Variants in ASAP2 observed in about 807,000 individuals in gnomAD.
ASAP2 encodes the protein arf-GAP with SH3 domain, ANK repeat and PH domain-containing protein 2.
ASAP2 carries 45 observed loss-of-function variants against 131.4 expected under a neutral mutation model. The observed-to-expected ratio is 0.34, with a 90% CI of 0.27 to 0.44. ASAP2 has a LOEUF of 0.44. Ranked by LOEUF, ASAP2 falls within the 20% of genes least tolerant of loss-of-function variation. The probability of loss-of-function intolerance (pLI) is 1.00; values close to 1 mark genes in which losing one functional copy is unlikely to be tolerated. For synonymous variants in ASAP2, 510 were observed against 503.0 expected, an observed-to-expected ratio of 1.01 and a Z score of -0.19; for missense variants, 1,011 against 1,297.0, an observed-to-expected ratio of 0.78 and a Z score of 3.39.
Position 9,218,653 on chromosome 2 carries a change from G to A in ASAP2, c.126+11423G>A, listed in dbSNP as rs145318451. Reference sequence around the variant, plus strand: ...TTGTCAGCTCTTGGACCTTGGAGCAGGTGACTTCACTGGTCCTGCCTCAGT... The same window carrying A: ...TTGTCAGCTCTTGGACCTTGGAGCAAGTGACTTCACTGGTCCTGCCTCAGT... On this transcript the variant is annotated intron_variant, in intron 1 of 27. Transcript: ENST00000281419. 2.2e-3 allele frequency among the ~76,000 whole-genome samples: 338 copies of A among 152,272 alleles called. 7 individuals carry two copies. The East Asian group carries it at 0.026, about 12-fold the overall frequency.
intron 24 of ASAP2, among the ~76,000 whole-genome samples, chr2:9,394,066 G>A (rs1170757824): frequency 2.6e-5 from 4 of 151,972 alleles, no homozygotes; most frequent in African/African-American, 7.3e-5. Flanking sequence ...AAATTAACAC[G>A]GATGTAGAAA....
Position 9,374,822 on chromosome 2 carries a change from G to C in ASAP2, c.1624G>C (p.Asp542His). 1 of 1,614,126 alleles carries C rather than the reference G, an allele frequency of 6.2e-7. No individual in the cohort carries two copies. Among genetic ancestry groups the C allele is most frequent in the Non-Finnish European group, 8.5e-7 (1 of 1,180,004 alleles). The change falls in exon 17 of 28, where the codon GAT (aspartate) becomes CAT (histidine). Residue 542 changes from aspartate to histidine, a missense_variant. Physicochemically the swap from Asp to His is moderately conservative, Grantham distance 81. This residue lies in a region of ASAP2 where 652 missense variants were observed against 698.9 expected (regional missense o/e 0.93). Transcript: ENST00000281419. ...GAGATACGCAAGGAAGAAGCACGCG[G>C]ATAACGCGGCGAAGCTTCACAGTCT... ...ERRYARKKHA[D>H]NAAKLHSLCE... is the part of the protein sequence containing the mutation.
chr2:9,288,648 A>C (rs773668808), intron 2 of ASAP2, among the ~76,000 whole-genome samples: 1 of 152,198 alleles, frequency 6.6e-6, no homozygotes, highest in Non-Finnish European at 1.5e-5. Context: ...AAGGATGTGA[A>C]TATAATTGGG....
chr2:9,295,325 A>G (rs1227638489), intron 2 of ASAP2, among the ~76,000 whole-genome samples: 3 of 152,238 alleles, frequency 2.0e-5, no homozygotes, highest in African/African-American at 7.2e-5. Context: ...ATTGCCTAAT[A>G]GTGTTATGAG....
In ASAP2 at chr2:9,393,551, C is replaced by T. The variant is rs147371192; in HGVS notation, c.2588C>T (p.Pro863Leu). 38 of 1,591,042 alleles carry T rather than the reference C, an allele frequency of 2.4e-5. No homozygotes were observed. The highest frequency in any genetic ancestry group is 2.9e-5 in the Non-Finnish European group (34 of 1,170,752). ...TPSVMEALSQ[P>L]SKPAPPGISQ... ...AGCGTAATGGAAGCCTTGAGCCAGC[C>T]GAGCAAGCCTGCCCCGCCTGGGATC... is the stretch of plus-strand genomic sequence containing the variant. Residue 863 changes from proline (P) to leucine (L), a missense_variant, in exon 24 of 28, where the codon CCG (proline) becomes CTG (leucine). Pro to Leu is a moderately conservative substitution (Grantham distance 98). Coordinates refer to ENST00000281419, the MANE Select transcript of ASAP2 (RefSeq NM_003887.3).
chr2:9,379,609 G>T (rs928416788), intron 19 of ASAP2, among the ~76,000 whole-genome samples: 3 of 152,140 alleles, frequency 2.0e-5, no homozygotes, highest in Admixed American at 6.5e-5. Flanking sequence ...TCCAGCTGTT[G>T]TCCCCTCAGG....
intron 1 of ASAP2, among the ~76,000 whole-genome samples, chr2:9,216,483 C>T (rs1332836430): frequency 3.1e-4 from 34 of 110,186 alleles, no homozygotes; most frequent in Admixed American, 2.9e-3. Context: ...TTTTTTGAGA[C>T]GGTGTCTCAC....
intron 9 of ASAP2, among the ~76,000 whole-genome samples, chr2:9,336,798 G>C (rs911626114): frequency 6.6e-6 from 1 of 152,208 alleles, no homozygotes; most frequent in Non-Finnish European, 1.5e-5. Context: ...GAGGTAGTGC[G>C]AGGGCAGGAG....
In ASAP2 at chr2:9,232,620, T is replaced by C. The variant is rs1315054338; in HGVS notation, c.126+25390T>C. On this transcript the variant is annotated intron_variant, in intron 1 of 27. Transcript: ENST00000281419. The surrounding 1 kb of genome is among the most constrained non-coding windows in gnomAD (Gnocchi z 4.1). ...CTTCCTGGGGGCAGGGATTTTTGAC[T>C]CTTACTTAGTGATGCATCCTCAGCA... Among the ~76,000 whole-genome samples, 3 of 152,332 alleles carry C rather than the reference T, an allele frequency of 2.0e-5. No homozygotes were observed.
chr2:9,393,452 C>G (rs1210902081), intron 23 of ASAP2, 30 bp from the exon 24 acceptor site: 26 of 1,573,584 alleles, frequency 1.7e-5, no homozygotes, highest in Non-Finnish European at 2.2e-5. Flanking sequence ...GGCGGCTGAC[C>G]CTCTGCACGT....
At chr2:9,329,565 A>T (rs1033954458) in intron 7 of ASAP2, among the ~76,000 whole-genome samples, 4 of 152,108 alleles carry the variant, frequency 2.6e-5, no homozygotes, top group African/African-American at 9.7e-5. Context: ...TAACAAGATT[A>T]CTCTGTGTGT....
chr2:9,287,564 T>C lies in ASAP2; in HGVS notation c.199+8175T>C, dbSNP rs144687776. On this transcript the variant is annotated intron_variant, in intron 2 of 27. Coordinates refer to ENST00000281419, the MANE Select transcript of ASAP2 (RefSeq NM_003887.3). ...AAGGTAGACATAGTATTTGTTCCTCTCTAGAGGAGGCTTTCACAAGAGCAA... is the reference window on the plus strand; with the variant it reads ...AAGGTAGACATAGTATTTGTTCCTCCCTAGAGGAGGCTTTCACAAGAGCAA... 1.4e-4 allele frequency among the ~76,000 whole-genome samples: 21 copies of C among 152,310 alleles called. No individual in the cohort carries two copies. In the East Asian group the frequency reaches 4.1e-3, roughly 29 times the overall value.
chr2:9,304,404 G>A (rs1339775809), intron 3 of ASAP2, among the ~76,000 whole-genome samples: 1 of 151,708 alleles, frequency 6.6e-6, no homozygotes, highest in Non-Finnish European at 1.5e-5. Flanking sequence ...AAATCTACAA[G>A]GTACTGTGTG....
At chr2:9,231,942 C>T (rs1663194750) in intron 1 of ASAP2, among the ~76,000 whole-genome samples, 1 of 152,170 alleles carries the variant, frequency 6.6e-6, no homozygotes, top group Non-Finnish European at 1.5e-5. Flanking sequence ...GCTCCAGTTG[C>T]CCATCTTGTC....
intron 3 of ASAP2, among the ~76,000 whole-genome samples, chr2:9,301,984 C>T (rs550801208): frequency 1.1e-3 from 166 of 151,870 alleles, no homozygotes; most frequent in Non-Finnish European, 1.8e-3. Context: ...CCGCCATGCC[C>T]GGCTAGTTTT....
chr2:9,280,755 C>G (rs529904436), intron 2 of ASAP2, among the ~76,000 whole-genome samples: 1 of 152,224 alleles, frequency 6.6e-6, no homozygotes, highest in Admixed American at 6.5e-5. Context: ...CCATCCGTCT[C>G]TAGCTTTTTT....
chr2:9,271,665 C>T (rs367832482), intron 1 of ASAP2: 43 of 673,564 alleles, frequency 6.4e-5, no homozygotes, highest in East Asian at 2.9e-4. Flanking sequence ...AAATGGTCTG[C>T]GGAAGACGGC....
intron 1 of ASAP2, among the ~76,000 whole-genome samples, chr2:9,224,597 T>G (rs1662638449): frequency 6.6e-6 from 1 of 152,232 alleles, no homozygotes; most frequent in African/African-American, 2.4e-5. Flanking sequence ...GATCGAAATC[T>G]CCACTCTATA....
At chr2:9,253,099 TAA>T (rs1300465954) in intron 1 of ASAP2, among the ~76,000 whole-genome samples, 1 of 152,146 alleles carries the variant, frequency 6.6e-6, no homozygotes, top group African/African-American at 2.4e-5. Context: ...TGTTGTTTTT[TAA>T]AAAGTTTTTA....
Sources: gnomAD v4.1 joint callset for allele counts (sites outside exome capture counted in the v4.1 genomes callset) on GRCh38, gnomAD v4.1.1 for gene constraint, gnomAD v4.1.1 regional missense constraint, Gnocchi (gnomAD v3.1) non-coding constraint, MANE v1.5 for transcripts, NCBI Gene and HGNC (gene_info 2026-07-23, HGNC 2026-07-21) for gene names.